The following ARID4B variants were observed in gnomAD, a reference collection of about 807,000 sequenced individuals.
The protein encoded by ARID4B is AT-rich interactive domain-containing protein 4B.
A neutral mutation model predicts 147.5 loss-of-function variants in ARID4B; 26 were observed. That is an observed-to-expected ratio of 0.18 (90% CI 0.13 to 0.24). The LOEUF is 0.24. Ranked by LOEUF, ARID4B falls within the 10% of genes least tolerant of loss-of-function variation. ARID4B has a pLI of 1.00. For synonymous variants in ARID4B, 512 were observed against 507.9 expected, an observed-to-expected ratio of 1.01 and a Z score of -0.11; for missense variants, 1,179 against 1,511.5, an observed-to-expected ratio of 0.78 and a Z score of 3.65.
At position 235,327,805 on chromosome 1, in the gene ARID4B, G is replaced by A. The variant is rs1558320543; in HGVS notation, c.-86C>T. 6.5e-6 allele frequency: 1 copy of A among 152,738 alleles called. No individual in the cohort carries two copies. The highest frequency in any genetic ancestry group is 6.5e-5 in the Admixed American group (1 of 15,290). The allele number at this position is 152,738 out of a possible 1,614,324, so 9.5% of individuals were successfully genotyped here. The stretch of plus-strand genomic sequence containing the variant: ...GCGAGATCTGACCCTGGCACGTCCA[G>A]AGTCCCCTCTCTCCTTCTCCCCCCC... On this transcript the variant is annotated 5_prime_UTR_variant, in exon 1 of 24. Coordinates refer to ENST00000264183, the MANE Select transcript of ARID4B (RefSeq NM_016374.6).
In ARID4B at chr1:235,220,467, G is replaced by T; in HGVS notation, c.1242C>A (p.Asn414Lys). 1 of 1,611,860 alleles carries T rather than the reference G, an allele frequency of 6.2e-7. No individual in the cohort carries two copies. The highest frequency in any genetic ancestry group is 8.5e-7 in the Non-Finnish European group (1 of 1,178,742). The change falls in exon 15 of 24, where the codon AAC becomes AAA. Residue 414 changes from asparagine to lysine, a missense_variant. Around this residue, in one of 10 missense-constraint regions of ARID4B, gnomAD observed 204 missense variants for 210.9 expected, o/e 0.97. Coordinates refer to ENST00000264183, the MANE Select transcript of ARID4B (RefSeq NM_016374.6). ...CATTTTCACACTCCTTACATTGCTT[G>T]TTAACAACTTTCTCTGGCAATGCCA... ...FQMALPEKVV[N>K]KQCKECENVK...
At chr1:235,169,865 T>C (rs894116997) in intron 23 of ARID4B, among the ~76,000 whole-genome samples, 2 of 152,186 alleles carry the variant, frequency 1.3e-5, no homozygotes, top group Non-Finnish European at 2.9e-5. Flanking sequence ...TTTCGTCATG[T>C]TGGCCAGTCT....
chr1:235,302,153 GAAAA>G (rs749154889), intron 2 of ARID4B, among the ~76,000 whole-genome samples: 11 of 30,666 alleles, frequency 3.6e-4, no homozygotes, highest in Admixed American at 6.2e-4. Flanking sequence ...TCAAAAAACG[GAAAA>G]AAAAAAAAAA....
At chr1:235,235,903 T>G (rs1403582936) in intron 8 of ARID4B, among the ~76,000 whole-genome samples, 7 of 152,120 alleles carry the variant, frequency 4.6e-5, no homozygotes, top group Admixed American at 1.3e-4. Context: ...TGGTAGTTAT[T>G]TATAGTTCCT....
intron 17 of ARID4B, among the ~76,000 whole-genome samples, chr1:235,198,012 T>C (rs570505919): frequency 1.3e-5 from 2 of 152,320 alleles, no homozygotes; most frequent in South Asian, 2.1e-4. Flanking sequence ...GATTTCAGTA[T>C]GAACTCCTAG....
chr1:235,223,115 G>T, intron 13 of ARID4B, 51 bp downstream of exon 13: 1 of 1,259,632 alleles, frequency 7.9e-7, no homozygotes, highest in East Asian at 2.6e-5. Flanking sequence ...GCAGATACCT[G>T]AGAAAACATG....
At chr1:235,198,299 T>C (rs1665638631) in intron 17 of ARID4B, among the ~76,000 whole-genome samples, 1 of 152,200 alleles carries the variant, frequency 6.6e-6, no homozygotes, top group African/African-American at 2.4e-5. Context: ...ATCAATTATA[T>C]TTTGAAGTAG....
chr1:235,214,066 C>T (rs1558208703), intron 16 of ARID4B, 40 bp from the exon 17 acceptor site: 3 of 1,562,110 alleles, frequency 1.9e-6, no homozygotes. Context: ...ATAAAAGACA[C>T]TTCATAAGTT....
intron 20 of ARID4B, among the ~76,000 whole-genome samples, chr1:235,179,487 C>T (rs1343622255): frequency 7.6e-6 from 1 of 132,450 alleles, no homozygotes; most frequent in East Asian, 2.4e-4. Context: ...TGCACCACTG[C>T]ACTCCAGCCT....
intron 3 of ARID4B, 126 bp downstream of exon 3, chr1:235,260,516 G>A (rs1454409453): frequency 1.7e-6 from 1 of 573,066 alleles, no homozygotes; most frequent in Non-Finnish European, 2.9e-6. Context: ...GCTTTGTTTT[G>A]AGGTATTTTT....
chr1:235,218,583 A>C (rs1001545696), intron 16 of ARID4B, among the ~76,000 whole-genome samples: 1 of 152,146 alleles, frequency 6.6e-6, no homozygotes, highest in African/African-American at 2.4e-5. Flanking sequence ...ACATTCTTCT[A>C]AACCCAGGAT....
chr1:235,181,995 T>C lies in ARID4B; in HGVS notation c.2924A>G (p.Glu975Gly). ...AEESLQTVAE[E>G]ESCSPSVELE... Reference sequence around the variant, plus strand: ...TTCTACACTGGGTGAACAACTCTCCTCTTCAGCCACAGTCTGCAGTGACTC... The same window carrying C: ...TTCTACACTGGGTGAACAACTCTCCCCTTCAGCCACAGTCTGCAGTGACTC... Residue 975 changes from glutamate to glycine, a missense_variant, in exon 20 of 24, where the codon GAG becomes GGG. Physicochemically the swap from Glu to Gly is moderately conservative, Grantham distance 98. This residue lies in a region of ARID4B where 357 missense variants were observed against 427.3 expected (regional missense o/e 0.84). Transcript: ENST00000264183. 1 of 1,614,174 alleles carries C rather than the reference T, an allele frequency of 6.2e-7. No homozygotes were observed.
intron 22 of ARID4B, among the ~76,000 whole-genome samples, chr1:235,174,845 C>T (rs1663741426): frequency 6.6e-6 from 1 of 151,832 alleles, no homozygotes; most frequent in South Asian, 2.1e-4. Flanking sequence ...GTGGCTCATG[C>T]CTGTAATCCC....
intron 2 of ARID4B, among the ~76,000 whole-genome samples, chr1:235,283,480 C>T (rs956715831): frequency 1.3e-4 from 20 of 152,270 alleles, no homozygotes; most frequent in Non-Finnish European, 2.4e-4. Context: ...ACCTCTGTAA[C>T]GTCTGAATTA....
intron 6 of ARID4B, among the ~76,000 whole-genome samples, chr1:235,251,474 T>C (rs894186873): frequency 2.6e-5 from 4 of 152,058 alleles, no homozygotes; most frequent in African/African-American, 7.2e-5. Flanking sequence ...GGAATTATAA[T>C]ACAGAGAACC....
intron 8 of ARID4B, among the ~76,000 whole-genome samples, chr1:235,239,739 C>A (rs941580062): frequency 6.6e-6 from 1 of 151,846 alleles, no homozygotes; most frequent in African/African-American, 2.4e-5. Context: ...AAAAAGGCAA[C>A]GTGAGAAAAC....
Position 235,260,763 on chromosome 1 carries a change from A to G in ARID4B, c.7-11T>C. ...AGGCTCATCAAGGGCCTAAAAATGC[A>G]AAGAAATATAATTAGATTTAAACTC... On this transcript the variant is annotated splice_polypyrimidine_tract_variant and intron_variant, in intron 2 of 23. Coordinates refer to ENST00000264183, the MANE Select transcript of ARID4B (RefSeq NM_016374.6). 1.9e-6 allele frequency: 3 copies of G among 1,546,036 alleles called. No individual in the cohort carries two copies. Among genetic ancestry groups the G allele is most frequent in the Non-Finnish European group, 2.7e-6 (3 of 1,125,120 alleles).
intron 20 of ARID4B, among the ~76,000 whole-genome samples, chr1:235,179,095 A>T (rs1407190023): frequency 1.3e-5 from 2 of 152,196 alleles, no homozygotes; most frequent in Non-Finnish European, 2.9e-5. Context: ...TAAGAAATAA[A>T]AACCTTCAAT....
intron 19 of ARID4B, among the ~76,000 whole-genome samples, 185 bp downstream of exon 19, chr1:235,193,828 T>C (rs1665291419): frequency 6.6e-6 from 1 of 152,082 alleles, no homozygotes. Flanking sequence ...CAAAAAAAAA[T>C]CTGAAATCCA....
Sources: gnomAD v4.1 joint callset for allele counts (sites outside exome capture counted in the v4.1 genomes callset) on GRCh38, gnomAD v4.1.1 for gene constraint, gnomAD v4.1.1 regional missense constraint, MANE v1.5 for transcripts, NCBI Gene and HGNC (gene_info 2026-07-23, HGNC 2026-07-21) for gene names.